The following CCDC102B variants were observed in gnomAD, a reference collection of about 807,000 sequenced individuals.
CCDC102B encodes the protein coiled-coil domain containing 102B.
In CCDC102B, 75 loss-of-function variants were observed where a neutral mutation model predicts 57.4. The observed-to-expected ratio is 1.31, with a 90% confidence interval of 1.08 to 1.58. The LOEUF (loss-of-function observed/expected upper bound fraction) is 1.58, where lower values mean the gene tolerates loss of function less well. CCDC102B is among the 40% of genes most tolerant of loss of function. CCDC102B has a pLI of 0.00. For synonymous variants in CCDC102B, 206 were observed against 201.9 expected, an observed-to-expected ratio of 1.02 and a Z score of -0.17; for missense variants, 636 against 582.6, an observed-to-expected ratio of 1.09 and a Z score of -0.94.
chr18:68,953,878 C>T (rs188645148), intron 6 of CCDC102B, among the ~76,000 whole-genome samples: 272 of 151,720 alleles, frequency 1.8e-3, no homozygotes, highest in African/African-American at 5.9e-3. Context: ...TTTTATCATG[C>T]GCTTTATATC....
intron 7 of CCDC102B, among the ~76,000 whole-genome samples, chr18:69,021,442 C>A (rs1237846586): frequency 1.3e-5 from 2 of 152,144 alleles, no homozygotes; most frequent in Non-Finnish European, 2.9e-5. Context: ...TCATCACACA[C>A]CCAGGAACCG....
At chr18:68,924,723 T>G (rs760917681) in intron 6 of CCDC102B, among the ~76,000 whole-genome samples, 3 of 152,042 alleles carry the variant, frequency 2.0e-5, no homozygotes, top group Non-Finnish European at 4.4e-5. Context: ...TTCCCTGACA[T>G]GGACTCCCAC....
chr18:68,979,253 G>A (rs1053312375), intron 6 of CCDC102B, among the ~76,000 whole-genome samples: 2 of 151,936 alleles, frequency 1.3e-5, no homozygotes, highest in South Asian at 2.1e-4. Flanking sequence ...CAGTGGTACT[G>A]AAAGCATTTT....
intron 6 of CCDC102B, among the ~76,000 whole-genome samples, chr18:68,955,026 T>C (rs2049802796): frequency 6.6e-6 from 1 of 152,174 alleles, no homozygotes; most frequent in Admixed American, 6.6e-5. Flanking sequence ...ATAGAGCTAC[T>C]ATCACACCTC....
intron 4 of CCDC102B, among the ~76,000 whole-genome samples, chr18:68,873,295 T>C (rs1367001005): frequency 1.3e-5 from 2 of 152,106 alleles, no homozygotes; most frequent in African/African-American, 4.8e-5. Flanking sequence ...AGTCTTTCTG[T>C]AGTGTTTTGG....
intron 6 of CCDC102B, among the ~76,000 whole-genome samples, chr18:68,967,406 G>A (rs1310344206): frequency 3.1e-4 from 47 of 152,172 alleles, no homozygotes; most frequent in Non-Finnish European, 8.8e-5. Context: ...TATGTTTCAA[G>A]ACATGAAGTC....
intron 1 of CCDC102B, among the ~76,000 whole-genome samples, chr18:68,810,158 C>T (rs2036189441): frequency 1.3e-5 from 2 of 152,146 alleles, no homozygotes; most frequent in South Asian, 4.2e-4. Context: ...ACAACAGATG[C>T]TGTTTTAAAA....
chr18:68,797,924 A>G (rs539132131), upstream of CCDC102B, among the ~76,000 whole-genome samples: 2 of 152,184 alleles, frequency 1.3e-5, no homozygotes, highest in South Asian at 4.1e-4. Flanking sequence ...GGATAACCAT[A>G]CTTAGGGAAC....
chr18:69,015,854 T>A (rs903588988), intron 7 of CCDC102B, among the ~76,000 whole-genome samples: 6 of 152,042 alleles, frequency 3.9e-5, no homozygotes, highest in East Asian at 1.9e-4. Context: ...CACATTTTTT[T>A]ATTTTTATTT....
intron 6 of CCDC102B, among the ~76,000 whole-genome samples, chr18:68,965,109 T>G (rs867762879): frequency 2.6e-5 from 4 of 152,016 alleles, no homozygotes; most frequent in African/African-American, 7.2e-5. Context: ...CCTTTTTAAT[T>G]CTATAAATTT....
intron 4 of CCDC102B, among the ~76,000 whole-genome samples, chr18:68,861,739 T>C (rs1237081210): frequency 6.6e-6 from 1 of 152,192 alleles, no homozygotes; most frequent in Non-Finnish European, 1.5e-5. Context: ...CCCTACCGAA[T>C]ACTCTGTGGG....
At chr18:68,749,410 A>G (rs2033756397) in intron 2 of CCDC102B, among the ~76,000 whole-genome samples, 2 of 152,280 alleles carry the variant, frequency 1.3e-5, no homozygotes, top group South Asian at 4.1e-4. Flanking sequence ...ATCCATGAGC[A>G]TGGAATGTTC....
intron 1 of CCDC102B, among the ~76,000 whole-genome samples, chr18:68,716,308 A>G (rs1201271967): frequency 6.6e-6 from 1 of 150,982 alleles, no homozygotes. Context: ...TTTCATTCTC[A>G]TGTATTTCAA....
intron 7 of CCDC102B, among the ~76,000 whole-genome samples, chr18:69,022,213 ATATATAT>A (rs2051857051): frequency 4.1e-5 from 2 of 49,058 alleles, no homozygotes; most frequent in Admixed American, 4.0e-4. Context: ...ATATATATAT[ATATATAT>A]ATAACACACA....
chr18:69,040,773 T>G (rs926704910), intron 7 of CCDC102B, among the ~76,000 whole-genome samples: 2 of 152,116 alleles, frequency 1.3e-5, no homozygotes, highest in Non-Finnish European at 2.9e-5. Context: ...CTCTGTGTTT[T>G]TTAAGATTGG....
chr18:68,886,078 A>G (rs1243504039), intron 5 of CCDC102B, among the ~76,000 whole-genome samples: 3 of 151,944 alleles, frequency 2.0e-5, no homozygotes, highest in African/African-American at 7.2e-5. Flanking sequence ...CAATGTTAAG[A>G]TGGAACACGT....
intron 2 of CCDC102B, chr18:68,838,352 C>G (rs1241642135): frequency 1.1e-6 from 1 of 921,662 alleles, no homozygotes; most frequent in African/African-American, 1.8e-5. Context: ...CTGTAAGTGT[C>G]TTATGACAAA....
chr18:69,019,213 T>C (rs1313199685), intron 7 of CCDC102B, among the ~76,000 whole-genome samples: 1 of 152,114 alleles, frequency 6.6e-6, no homozygotes, highest in Non-Finnish European at 1.5e-5. Context: ...TTTCCAAATG[T>C]ATTTTGAGCA....
chr18:68,959,551 G>A (rs554724760), intron 6 of CCDC102B, among the ~76,000 whole-genome samples: 56 of 152,236 alleles, frequency 3.7e-4, no homozygotes, highest in Middle Eastern at 6.8e-3. Flanking sequence ...ATATTCTGCA[G>A]TTTGCAACTC....
Sources: gnomAD v4.1 joint callset for allele counts (sites outside exome capture counted in the v4.1 genomes callset) on GRCh38, gnomAD v4.1.1 for gene constraint, MANE v1.5 for transcripts, NCBI Gene and HGNC (gene_info 2026-07-23, HGNC 2026-07-21) for gene names.